The following LAMC1 variants were observed in gnomAD, a reference collection of about 807,000 sequenced individuals.
LAMC1 encodes laminin subunit gamma 1, also known as laminin subunit gamma-1.
Under a neutral mutation model 173.6 loss-of-function variants are expected in LAMC1, and 38 were observed. The ratio of observed to expected loss-of-function variants is 0.22; its 90% CI spans 0.17 to 0.29. LAMC1 has a LOEUF of 0.29. LAMC1 is among the 10% of genes least tolerant of loss of function. The pLI, the probability that LAMC1 is intolerant of heterozygous loss-of-function variation, is 1.00. For missense variants in LAMC1, 1,824 were observed against 2,051.8 expected, an observed-to-expected ratio of 0.89 and a Z score of 2.14; for synonymous variants, 746 against 749.1, an observed-to-expected ratio of 1.00 and a Z score of 0.07.
chr1:183,137,254 A>G lies in LAMC1; in HGVS notation c.4315-415A>G, dbSNP rs184634315. ...CAGGATTGTGGTCTTTTTGTACATTATGATGAACTGCCAAGAATGAACCAA... is the reference window on the plus strand; with the variant it reads ...CAGGATTGTGGTCTTTTTGTACATTGTGATGAACTGCCAAGAATGAACCAA... On this transcript the variant is annotated intron_variant, in intron 25 of 27. Coordinates refer to ENST00000258341, the MANE Select transcript of LAMC1 (RefSeq NM_002293.4). Among the ~76,000 whole-genome samples the G allele has an allele frequency of 3.1e-3, 472 of 152,306 alleles. 7 individuals carry two copies. Among genetic ancestry groups the G allele is most frequent in the African/African-American group, 0.011 (452 of 41,580 alleles).
intron 1 of LAMC1, among the ~76,000 whole-genome samples, chr1:183,041,379 T>A (rs1654128211): frequency 6.6e-6 from 1 of 152,198 alleles, no homozygotes; most frequent in African/African-American, 2.4e-5. Context: ...CCTAATCATC[T>A]TTAAAACTCC....
chr1:183,124,873 A>G lies in LAMC1; in HGVS notation c.2644A>G (p.Lys882Glu), dbSNP rs749447116. Residue 882 changes from lysine (K) to glutamate (E), a missense_variant, in exon 14 of 28, where the codon AAA (lysine) becomes GAA (glutamate). Physicochemically the swap from Lys to Glu is moderately conservative, Grantham distance 56 (BLOSUM62 1). Transcript: ENST00000258341. ...PLAPNPADKC[K>E]ACNCNLYGTM... ...GGCTCCCAATCCAGCAGACAAATGC[A>G]AAGGTAATCAGCCTTTGATCAGATT... is the stretch of plus-strand genomic sequence containing the variant. The G allele has an allele frequency of 2.5e-6, 4 of 1,613,968 alleles. No individual in the cohort carries two copies. The South Asian group carries it at 4.4e-5, about 18-fold the overall frequency.
rs144710531 is a variant in LAMC1, at chr1:183,118,701, C to T, written c.1990+555C>T. 3.8e-3 allele frequency among the ~76,000 whole-genome samples: 571 copies of T among 148,888 alleles called. 6 individuals are homozygous for T. The highest frequency in any genetic ancestry group is 0.013 in the African/African-American group (519 of 40,370). ...TCATGCCACTGCATTCCAGCCTGGGCGACAGAATGAGAATCTGTCTCAGAA... is the reference window on the plus strand; with the variant it reads ...TCATGCCACTGCATTCCAGCCTGGGTGACAGAATGAGAATCTGTCTCAGAA... On this transcript the variant is annotated intron_variant, in intron 11 of 27. Coordinates refer to ENST00000258341, the MANE Select transcript of LAMC1 (RefSeq NM_002293.4).
intron 1 of LAMC1, among the ~76,000 whole-genome samples, chr1:183,077,776 G>GTGTGTGTATATATATATATA: frequency 8.6e-6 from 1 of 116,522 alleles, no homozygotes. Flanking sequence ...TGGCCATTGT[G>GTGTGTGTATATATATATATA]TATATATATA....
chr1:183,133,455 C>T lies in LAMC1; in HGVS notation c.3754C>T (p.Arg1252Ter). 1 of 1,613,826 alleles carries T rather than the reference C, an allele frequency of 6.2e-7. No individual in the cohort carries two copies. The highest frequency in any genetic ancestry group is 1.1e-5 in the South Asian group (1 of 91,034). Residue 1252 changes from arginine (R) to a stop codon, truncating the protein, a stop_gained, in exon 22 of 28, where the codon CGA becomes TGA. Coordinates refer to ENST00000258341, the MANE Select transcript of LAMC1 (RefSeq NM_002293.4). LOFTEE classifies it high-confidence loss of function. ...ISQDLEKQAA[R>*]VHEEAKRAGD... ...ACAGGATCTGGAAAAACAAGCTGCC[C>T]GAGTACATGAGGAGGCCAAAAGGGC...
At chr1:183,063,844 T>C (rs1654799829) in intron 1 of LAMC1, among the ~76,000 whole-genome samples, 1 of 152,218 alleles carries the variant, frequency 6.6e-6, no homozygotes, top group African/African-American at 2.4e-5. Flanking sequence ...CTTAATTTTA[T>C]TAATTTTATT....
At chr1:183,117,836 G>T in intron 10 of LAMC1, 113 bp downstream of exon 10, 1 of 1,004,592 alleles carries the variant, frequency 1.0e-6, no homozygotes, top group Non-Finnish European at 1.5e-6. Context: ...CTGGGTTATT[G>T]TGGTGATTTT....
At chr1:183,128,386 C>G (rs1228334865) in intron 17 of LAMC1, among the ~76,000 whole-genome samples, 1 of 151,532 alleles carries the variant, frequency 6.6e-6, no homozygotes, top group Non-Finnish European at 1.5e-5. Context: ...ATTCATGCAG[C>G]ACACCAACAT....
At chr1:183,136,693 A>C (rs551370421) in intron 25 of LAMC1, 108 bp downstream of exon 25, 1 of 885,766 alleles carries the variant, frequency 1.1e-6, no homozygotes, top group Non-Finnish European at 1.7e-6. Flanking sequence ...CCTGAACTTC[A>C]GTAAAATTGT....
At chr1:183,032,812 A>G (rs1475889904) in intron 1 of LAMC1, among the ~76,000 whole-genome samples, 2 of 152,068 alleles carry the variant, frequency 1.3e-5, no homozygotes, top group Non-Finnish European at 2.9e-5. Context: ...AACCAGAATG[A>G]TTGTTTGTGG....
intron 1 of LAMC1, among the ~76,000 whole-genome samples, chr1:183,081,730 A>G (rs1655282578): frequency 6.6e-6 from 1 of 152,194 alleles, no homozygotes; most frequent in Admixed American, 6.5e-5. Context: ...AGAATGGCAT[A>G]GTTGTTATAA....
chr1:183,027,058 G>T (rs910827224), intron 1 of LAMC1, among the ~76,000 whole-genome samples: 1 of 152,134 alleles, frequency 6.6e-6, no homozygotes, highest in Non-Finnish European at 1.5e-5. Context: ...AGGCTGAGGC[G>T]TATTTTAACA....
At chr1:183,132,967 A>G (rs1571463862) in intron 21 of LAMC1, among the ~76,000 whole-genome samples, 1 of 152,096 alleles carries the variant, frequency 6.6e-6, no homozygotes, top group Admixed American at 6.5e-5. Context: ...CTAAAGTGCA[A>G]TGGCGCGATC....
In LAMC1 at chr1:183,119,951, G is replaced by T. The variant is rs567725130; in HGVS notation, c.1991-1772G>T. 2.5e-4 allele frequency among the ~76,000 whole-genome samples: 38 copies of T among 151,962 alleles called. No homozygotes were observed. In the South Asian group the frequency reaches 7.7e-3, roughly 31 times the overall value. The stretch of plus-strand genomic sequence containing the variant: ...TTTGGGAGGCTGAGGCAGGAGGATT[G>T]CTTGAGGCTAGGTGTTCAAGAGCAG... On this transcript the variant is annotated intron_variant, in intron 11 of 27. Transcript: ENST00000258341.
chr1:183,023,896 C>T lies in LAMC1; in HGVS notation c.180C>T (p.Asn60=). ...CMPEFVNAAF[N]VTVVATNTCG... ...CCGAGTTCGTCAACGCCGCCTTCAACGTGACTGTGGTGGCCACCAACACGT... is the reference window on the plus strand; with the variant it reads ...CCGAGTTCGTCAACGCCGCCTTCAATGTGACTGTGGTGGCCACCAACACGT... Residue 60 remains asparagine (N), a synonymous_variant, in exon 1 of 28, where the codon AAC becomes AAT. Coordinates refer to ENST00000258341, the MANE Select transcript of LAMC1 (RefSeq NM_002293.4). 3 of 1,613,016 alleles carry T rather than the reference C, an allele frequency of 1.9e-6. No homozygotes were observed. The highest frequency in any genetic ancestry group is 2.5e-6 in the Non-Finnish European group (3 of 1,179,816).
chr1:183,144,889 A>G lies in LAMC1; in HGVS notation c.*2099A>G, dbSNP rs1460986103. ...CTTCCTGTTTCCATCTGCTTGGGAT[A>G]TACCAGAGTTTACCACAAGTGTTTT... On this transcript the variant is annotated 3_prime_UTR_variant, in exon 28 of 28. Transcript: ENST00000258341. 1.3e-5 allele frequency: 2 copies of G among 152,196 alleles called. No homozygotes were observed. The highest frequency in any genetic ancestry group is 2.9e-5 in the Non-Finnish European group (2 of 68,052). 9.4% of individuals were successfully genotyped at this position (152,196 alleles called of 1,614,324 possible).
In LAMC1 at chr1:183,085,970, TC is replaced by T. The variant is rs768772505; in HGVS notation, c.419-17356del. 6.6e-5 allele frequency among the ~76,000 whole-genome samples: 10 copies of T among 152,278 alleles called. No homozygotes were observed. In the Middle Eastern group the frequency reaches 0.01, roughly 155 times the overall value. On this transcript the variant is annotated intron_variant, in intron 1 of 27. Transcript: ENST00000258341. ...ACATTTAAGAACTTGGAGTGCTTGA[TC>T]CTTAGCATACATTTGTGTCCACTTA...
At chr1:183,060,549 A>G (rs1009326144) in intron 1 of LAMC1, among the ~76,000 whole-genome samples, 6 of 152,214 alleles carry the variant, frequency 3.9e-5, no homozygotes, top group East Asian at 3.9e-4. Flanking sequence ...CACTACGCCT[A>G]TTGTGTTTCC....
Position 183,094,938 on chromosome 1 carries a change from C to CT in LAMC1, c.419-8390_419-8389insT, listed in dbSNP as rs200198328. 9.2e-3 allele frequency among the ~76,000 whole-genome samples: 1,007 copies of CT among 109,362 alleles called. 9 individuals carry two copies. The highest frequency in any genetic ancestry group is 0.027 in the African/African-American group (967 of 35,794). 71.7% of individuals were successfully genotyped at this position (109,362 alleles called of 152,430 possible). ...CTCAGCTCACTGCAACCTCTGCCTC[C>CT]CGATTCAAGTGATTCTCCTGCCTCA... is the stretch of plus-strand genomic sequence containing the variant. On this transcript the variant is annotated intron_variant, in intron 1 of 27. Transcript: ENST00000258341.
Sources: gnomAD v4.1 joint callset for allele counts (sites outside exome capture counted in the v4.1 genomes callset) on GRCh38, gnomAD v4.1.1 for gene constraint, MANE v1.5 for transcripts, NCBI Gene and HGNC (gene_info 2026-07-23, HGNC 2026-07-21) for gene names.